Variants in TMEM132D observed in about 807,000 individuals in gnomAD.
TMEM132D encodes mature OL transmembrane protein.
Under a neutral mutation model 62.3 loss-of-function variants are expected in TMEM132D, and 21 were observed. The ratio of observed to expected loss-of-function variants is 0.34; its 90% CI spans 0.24 to 0.49. The LOEUF is 0.49. TMEM132D is among the 20% of genes least tolerant of loss of function. The probability of loss-of-function intolerance (pLI) is 0.99; values close to 1 mark genes in which losing one functional copy is unlikely to be tolerated. For missense variants in TMEM132D, 1,346 were observed against 1,402.8 expected (o/e 0.96, Z 0.65); for synonymous variants, 621 against 575.6 (o/e 1.08, Z -1.13).
At chr12:129,295,040 T>C (rs186338930) in intron 4 of TMEM132D, among the ~76,000 whole-genome samples, 42 of 152,278 alleles carry the variant, frequency 2.8e-4, no homozygotes, top group African/African-American at 1.0e-3. Context: ...CAAATTGCCC[T>C]CCATAATGTG....
At chr12:129,079,036 T>C (rs1164192788) in intron 7 of TMEM132D, among the ~76,000 whole-genome samples, 1 of 152,222 alleles carries the variant, frequency 6.6e-6, no homozygotes, top group South Asian at 2.1e-4. Context: ...ACTGACGTTT[T>C]CATTCGACTA....
intron 3 of TMEM132D, among the ~76,000 whole-genome samples, chr12:129,409,276 T>C (rs960818997): frequency 6.6e-6 from 1 of 152,126 alleles, no homozygotes; most frequent in African/African-American, 2.4e-5. Flanking sequence ...CATAGGTCTG[T>C]CTGTATTCCA....
chr12:129,548,484 A>G (rs1486537961), intron 2 of TMEM132D, among the ~76,000 whole-genome samples: 1 of 152,234 alleles, frequency 6.6e-6, no homozygotes, highest in Non-Finnish European at 1.5e-5. Flanking sequence ...TCCCTCTCTC[A>G]GTCACGCCAT....
At chr12:129,359,579 A>G (rs892524395) in intron 3 of TMEM132D, among the ~76,000 whole-genome samples, 1 of 152,246 alleles carries the variant, frequency 6.6e-6, no homozygotes, top group African/African-American at 2.4e-5. Context: ...TAAAAAGTAT[A>G]TGGCTCACAG....
chr12:129,708,342 A>G (rs1881554178), intron 1 of TMEM132D, among the ~76,000 whole-genome samples: 1 of 152,172 alleles, frequency 6.6e-6, no homozygotes, highest in Admixed American at 6.5e-5. Flanking sequence ...CACTAATCCT[A>G]TTTAGCCTTT....
chr12:129,243,803 T>G (rs998729336), intron 4 of TMEM132D, among the ~76,000 whole-genome samples: 11 of 152,178 alleles, frequency 7.2e-5, no homozygotes, highest in Non-Finnish European at 2.9e-5. Flanking sequence ...CAAATTACTC[T>G]TGATTAACTT....
At chr12:129,381,956 G>A (rs1328640485) in intron 3 of TMEM132D, among the ~76,000 whole-genome samples, 9 of 152,136 alleles carry the variant, frequency 5.9e-5, no homozygotes, top group Admixed American at 4.6e-4. Flanking sequence ...TACACAGACC[G>A]TATGCTCCTG....
intron 5 of TMEM132D, among the ~76,000 whole-genome samples, chr12:129,180,389 C>T (rs931197588): frequency 1.1e-4 from 16 of 152,192 alleles, no homozygotes; most frequent in African/African-American, 3.4e-4. Flanking sequence ...GCCTCACTCA[C>T]GTACATGGGT....
Position 129,569,060 on chromosome 12 carries a change from C to T in TMEM132D, c.969-37855G>A, listed in dbSNP as rs112559887. On this transcript the variant is annotated intron_variant, in intron 2 of 8. Transcript: ENST00000422113. ...TGCTGCTGGTCCTGGGTCCACACTT[C>T]GAGAGCCACTACCCTGGAATATCTT... Among the ~76,000 whole-genome samples, 1,154 of 152,252 alleles carry T rather than the reference C, an allele frequency of 7.6e-3. 10 individuals are homozygous for T. Among genetic ancestry groups the T allele is most frequent in the Middle Eastern group, 0.024 (7 of 294 alleles).
At chr12:129,854,355 G>A (rs759919012) in intron 1 of TMEM132D, among the ~76,000 whole-genome samples, 9 of 152,154 alleles carry the variant, frequency 5.9e-5, no homozygotes, top group Non-Finnish European at 1.2e-4. Flanking sequence ...CAGGGCCAAT[G>A]TCACAGGCCA....
intron 3 of TMEM132D, among the ~76,000 whole-genome samples, chr12:129,526,076 C>T (rs1566098514): frequency 6.6e-6 from 1 of 152,182 alleles, no homozygotes; most frequent in African/African-American, 2.4e-5. Context: ...CTAACATACA[C>T]ACAACAACTG....
intron 5 of TMEM132D, among the ~76,000 whole-genome samples, chr12:129,119,029 T>G (rs1329436497): frequency 1.3e-5 from 2 of 152,210 alleles, no homozygotes; most frequent in African/African-American, 4.8e-5. Context: ...AGAGGGGCAA[T>G]GACATCTACG....
chr12:129,226,286 G>A (rs1879478859), intron 4 of TMEM132D, among the ~76,000 whole-genome samples: 1 of 152,210 alleles, frequency 6.6e-6, no homozygotes, highest in South Asian at 2.1e-4. Context: ...TTTCTCTCTG[G>A]AGGAAATGCC....
chr12:129,419,709 A>G (rs1872241737), intron 3 of TMEM132D, among the ~76,000 whole-genome samples: 2 of 152,190 alleles, frequency 1.3e-5, no homozygotes, highest in Non-Finnish European at 2.9e-5. Context: ...TGTCTTTTGA[A>G]TAAGTCTATA....
chr12:129,237,584 C>T (rs1428489847), intron 4 of TMEM132D, among the ~76,000 whole-genome samples: 1 of 152,064 alleles, frequency 6.6e-6, no homozygotes, highest in Non-Finnish European at 1.5e-5. Context: ...ATTTTGATGT[C>T]ATTGATATTA....
chr12:129,231,860 T>G (rs1375634656), intron 4 of TMEM132D, among the ~76,000 whole-genome samples: 1 of 152,200 alleles, frequency 6.6e-6, no homozygotes, highest in Non-Finnish European at 1.5e-5. Context: ...CTGAGGTTGG[T>G]CCAGAGAAGT....
At chr12:129,292,334 C>T (rs1881468115) in intron 4 of TMEM132D, among the ~76,000 whole-genome samples, 1 of 152,206 alleles carries the variant, frequency 6.6e-6, no homozygotes, top group Admixed American at 6.5e-5. Flanking sequence ...CCCATTAGCT[C>T]CCATTAGCGT....
intron 3 of TMEM132D, among the ~76,000 whole-genome samples, chr12:129,338,451 T>C (rs1350575404): frequency 6.6e-6 from 1 of 152,192 alleles, no homozygotes; most frequent in East Asian, 1.9e-4. Flanking sequence ...AGCATACATC[T>C]AGAAACAAAT....
At chr12:129,361,296 C>G (rs1351094295) in intron 3 of TMEM132D, among the ~76,000 whole-genome samples, 1 of 152,176 alleles carries the variant, frequency 6.6e-6, no homozygotes, top group South Asian at 2.1e-4. Context: ...TTAGATCTTT[C>G]TAAGCTCATG....
Sources: allele counts gnomAD v4.1 joint callset (sites outside exome capture counted in the v4.1 genomes callset), GRCh38; gene constraint gnomAD v4.1.1; transcripts MANE v1.5; gene names NCBI Gene and HGNC (gene_info 2026-07-23, HGNC 2026-07-21).